The following CALHM4 variants were observed in gnomAD, a reference collection of about 807,000 sequenced individuals.
CALHM4 encodes the protein calcium homeostasis modulator protein 4.
A neutral mutation model predicts 13.3 loss-of-function variants in CALHM4; 16 were observed. The ratio of observed to expected loss-of-function variants is 1.20; its 90% CI spans 0.81 to 1.82. The LOEUF (loss-of-function observed/expected upper bound fraction) is 1.82. Ranked by LOEUF, CALHM4 falls within the 40% of genes most tolerant of loss-of-function variation. CALHM4 has a pLI of 0.00. For missense variants in CALHM4, 344 were observed against 374.9 expected (o/e 0.92, Z 0.68); for synonymous variants, 127 against 137.1 (o/e 0.93, Z 0.52).
Position 116,554,051 on chromosome 6 carries a change from C to T in CALHM4, c.258C>T (p.Ala86=). Residue 86 remains alanine, a synonymous_variant, in exon 1 of 2, where the codon GCC becomes GCT. Coordinates refer to ENST00000368596, the MANE Select transcript of CALHM4 (RefSeq NM_001366078.2). ...CCGGTGAATACTGCTGCAGCTGTGC[C>T]CCTCCATACAGGAGAATCAGCCCCC... is the stretch of plus-strand genomic sequence containing the variant. ...TITGEYCCSC[A]PPYRRISPLE... is the part of the protein sequence containing the mutation. 6.4e-7 allele frequency: 1 copy of T among 1,550,674 alleles called. No individual in the cohort carries two copies. Among genetic ancestry groups the T allele is most frequent in the Middle Eastern group, 1.7e-4 (1 of 5,992 alleles).
intron 1 of CALHM4, among the ~76,000 whole-genome samples, chr6:116,538,057 T>C (rs960839821): frequency 2.6e-5 from 4 of 152,220 alleles, no homozygotes; most frequent in Admixed American, 1.3e-4. Flanking sequence ...AGCAGCTATT[T>C]TGAAGTTAAT....
intron 1 of CALHM4, chr6:116,543,220 AAAGG>A: frequency 1.0e-6 from 1 of 994,694 alleles, no homozygotes; most frequent in Non-Finnish European, 1.5e-6. Context: ...GAAATGAAGC[AAAGG>A]AAGTCATTAG....
chr6:116,530,143 A>G (rs1022262176), intron 1 of CALHM4, among the ~76,000 whole-genome samples: 9 of 152,196 alleles, frequency 5.9e-5, no homozygotes, highest in African/African-American at 1.9e-4. Flanking sequence ...GTTATTTAGA[A>G]AATGAAGGAA....
intron 1 of CALHM4, among the ~76,000 whole-genome samples, chr6:116,536,717 C>T (rs910438773): frequency 2.6e-5 from 4 of 152,164 alleles, no homozygotes; most frequent in East Asian, 1.9e-4. Context: ...TGATGGTGTT[C>T]GGTAGAAGTG....
At chr6:116,529,615 C>T (rs1772575248) in intron 1 of CALHM4, among the ~76,000 whole-genome samples, 1 of 152,204 alleles carries the variant, frequency 6.6e-6, no homozygotes, top group South Asian at 2.1e-4. Flanking sequence ...CTCTCCATGT[C>T]CTGCAAGGCA....
At chr6:116,545,641 G>C in intron 2 of CALHM4, 1 of 704,858 alleles carries the variant, frequency 1.4e-6, no homozygotes. Context: ...CAGGAGTGCT[G>C]CTTCTGCACT....
At chr6:116,543,531 T>C (rs1773589189) in intron 1 of CALHM4, 4 of 748,776 alleles carry the variant, frequency 5.3e-6, no homozygotes, top group Admixed American at 3.2e-5. Context: ...CCTCCTATTA[T>C]TGCAACAATT....
rs1036227661 is a variant in CALHM4, at chr6:116,559,231, G to A, written c.*1020G>A. Among the ~76,000 whole-genome samples, 14 of 152,092 alleles carry A rather than the reference G, an allele frequency of 9.2e-5. No individual in the cohort carries two copies. Among genetic ancestry groups the A allele is most frequent in the South Asian group, 2.1e-4 (1 of 4,822 alleles). On this transcript the variant is annotated 3_prime_UTR_variant, in exon 2 of 2. Coordinates refer to ENST00000368596, the MANE Select transcript of CALHM4 (RefSeq NM_001366078.2). ...GTGACTCGTGCCTGATTTTTGCTAC[G>A]TTCACTGAAGCAACTTGCTCATTAG... is the stretch of plus-strand genomic sequence containing the variant.
chr6:116,554,393 T>TAGAACTACAGTCAATGGAAACATTTCAG, intron 1 of CALHM4, 42 bp downstream of exon 1: 1 of 1,425,704 alleles, frequency 7.0e-7, no homozygotes, highest in Non-Finnish European at 9.3e-7. Context: ...TGTTATCCTA[T>TAGAACTACAGTCAATGGAAACATTTCAG]AGAACTACAG....
At chr6:116,543,353 C>T (rs1005263524) in intron 1 of CALHM4, 30 of 1,549,892 alleles carry the variant, frequency 1.9e-5, no homozygotes, top group Admixed American at 7.9e-5. Context: ...AATCCTTACA[C>T]AGCTGGGCAA....
chr6:116,529,427 A>T (rs910548955), intron 1 of CALHM4, among the ~76,000 whole-genome samples: 2 of 152,240 alleles, frequency 1.3e-5, no homozygotes, highest in Non-Finnish European at 2.9e-5. Context: ...TGGAAGGGAA[A>T]TATGGGGTAG....
chr6:116,538,400 C>G (rs1254555469), intron 1 of CALHM4, among the ~76,000 whole-genome samples: 4 of 152,202 alleles, frequency 2.6e-5, no homozygotes, highest in Non-Finnish European at 5.9e-5. Context: ...GTATATGCCT[C>G]TACTTCCAGT....
Position 116,560,064 on chromosome 6 carries a change from G to A in CALHM4, c.*1853G>A, listed in dbSNP as rs1216781226. 2.6e-5 allele frequency among the ~76,000 whole-genome samples: 4 copies of A among 152,114 alleles called. No individual in the cohort carries two copies. Among genetic ancestry groups the A allele is most frequent in the Non-Finnish European group, 5.9e-5 (4 of 67,992 alleles). On this transcript the variant is annotated 3_prime_UTR_variant, in exon 2 of 2. Transcript: ENST00000368596. ...GAAGTATGTTGTGGAAGGCAACTAG[G>A]GTTCTAGTTCCACACTGATACAAAT... is the stretch of plus-strand genomic sequence containing the variant.
upstream of CALHM4, among the ~76,000 whole-genome samples, chr6:116,551,535 T>TC (rs1309324502): frequency 6.6e-6 from 1 of 152,124 alleles, no homozygotes; most frequent in East Asian, 1.9e-4. Context: ...TGCCATTACT[T>TC]CAATTGTTTT....
At chr6:116,545,227 T>C (rs1434870869) in intron 2 of CALHM4, among the ~76,000 whole-genome samples, 1 of 151,832 alleles carries the variant, frequency 6.6e-6, no homozygotes, top group East Asian at 1.9e-4. Flanking sequence ...GGTGAAAAAA[T>C]TGACACTCAT....
intron 1 of CALHM4, among the ~76,000 whole-genome samples, chr6:116,538,680 G>A (rs538429039): frequency 6.6e-6 from 1 of 151,226 alleles, no homozygotes; most frequent in East Asian, 1.9e-4. Context: ...CAGATTATTG[G>A]TCAATGCTCT....
intron 1 of CALHM4, among the ~76,000 whole-genome samples, chr6:116,529,915 G>T (rs1180554270): frequency 6.6e-6 from 1 of 152,116 alleles, no homozygotes; most frequent in African/African-American, 2.4e-5. Flanking sequence ...GTTGAGGAAT[G>T]GAAAGCAACT....
chr6:116,545,634 G>A, intron 2 of CALHM4: 1 of 829,918 alleles, frequency 1.2e-6, no homozygotes, highest in Admixed American at 2.7e-5. Context: ...TTTGAGACAG[G>A]AGTGCTGCTT....
chr6:116,537,914 G>T (rs1183337536), intron 1 of CALHM4, among the ~76,000 whole-genome samples: 3 of 152,062 alleles, frequency 2.0e-5, no homozygotes. Context: ...ATTTAATTTG[G>T]CTTTCAGCTC....
Sources: allele counts gnomAD v4.1 joint callset (sites outside exome capture counted in the v4.1 genomes callset), GRCh38; gene constraint gnomAD v4.1.1; transcripts MANE v1.5; gene names NCBI Gene and HGNC (gene_info 2026-07-23, HGNC 2026-07-21).